Variants in RGL1 observed in about 807,000 individuals in gnomAD.
The protein encoded by RGL1 is ral guanine nucleotide dissociation stimulator like 1, also known as ral guanine nucleotide dissociation stimulator-like 1.
A neutral mutation model predicts 95.2 loss-of-function variants in RGL1; 24 were observed. The observed-to-expected ratio is 0.25, with a 90% CI of 0.18 to 0.35. The LOEUF (loss-of-function observed/expected upper bound fraction) is 0.35, where lower values mean the gene tolerates loss of function less well. Among genes scored for constraint, RGL1 ranks in the 10% least tolerant of loss-of-function variants. The pLI, the probability that RGL1 is intolerant of heterozygous loss-of-function variation, is 1.00. For synonymous variants in RGL1, 329 were observed against 344.9 expected (o/e 0.95, Z 0.51); for missense variants, 715 against 936.3 (o/e 0.76, Z 3.08).
chr1:183,811,216 T>A (rs956093916), intron 2 of RGL1, among the ~76,000 whole-genome samples: 2 of 152,230 alleles, frequency 1.3e-5, no homozygotes, highest in Non-Finnish European at 2.9e-5. Context: ...GTATCAATTA[T>A]TCATTTTAAC....
chr1:183,773,009 C>A (rs1239409358), intron 2 of RGL1, among the ~76,000 whole-genome samples: 1 of 101,430 alleles, frequency 9.9e-6, no homozygotes, highest in African/African-American at 3.7e-5. Flanking sequence ...GAGCAAGACT[C>A]CGTCTCAAAA....
At chr1:183,701,472 T>G (rs1399738262) in intron 1 of RGL1, among the ~76,000 whole-genome samples, 3 of 152,178 alleles carry the variant, frequency 2.0e-5, no homozygotes, top group Non-Finnish European at 4.4e-5. Flanking sequence ...GTGTATGGTC[T>G]ATCAAGAAAG....
intron 1 of RGL1, among the ~76,000 whole-genome samples, chr1:183,697,135 T>A (rs1654299405): frequency 6.6e-6 from 1 of 152,154 alleles, no homozygotes; most frequent in African/African-American, 2.4e-5. Flanking sequence ...TTTTTGCTGT[T>A]CTTACAATAC....
chr1:183,658,415 C>T (rs901291913), intron 1 of RGL1, among the ~76,000 whole-genome samples: 1 of 152,238 alleles, frequency 6.6e-6, no homozygotes, highest in Non-Finnish European at 1.5e-5. Context: ...TGTCCCGCAC[C>T]TGGCTCGGAG....
intron 2 of RGL1, among the ~76,000 whole-genome samples, chr1:183,842,536 A>G (rs568844687): frequency 6.6e-6 from 1 of 152,252 alleles, no homozygotes; most frequent in East Asian, 1.9e-4. Context: ...AGTTTTAGAT[A>G]TTTACCCCAT....
chr1:183,641,881 A>T (rs1359664202), intron 1 of RGL1, among the ~76,000 whole-genome samples: 1 of 152,190 alleles, frequency 6.6e-6, no homozygotes, highest in Admixed American at 6.5e-5. Context: ...TTTAGAATTT[A>T]TGGTTTTTAG....
chr1:183,806,362 C>T lies in RGL1; in HGVS notation c.28-13C>T. ...AATACTCTTTTTCTTTCTCTTTATC[C>T]CGTCCCTGGCAGAGCTCGATTCAGG... On this transcript the variant is annotated splice_polypyrimidine_tract_variant and intron_variant, in intron 1 of 17. Coordinates refer to ENST00000360851, the MANE Select transcript of RGL1 (RefSeq NM_001297671.3). The T allele has an allele frequency of 6.3e-7, 1 of 1,599,804 alleles. No individual in the cohort carries two copies. The highest frequency in any genetic ancestry group is 8.6e-7 in the Non-Finnish European group (1 of 1,167,808).
At chr1:183,889,911 CT>C (rs1410366116) in intron 8 of RGL1, among the ~76,000 whole-genome samples, 1 of 152,086 alleles carries the variant, frequency 6.6e-6, no homozygotes, top group African/African-American at 2.4e-5. Flanking sequence ...TCTTTCTTCT[CT>C]ATTTTGAATA....
At chr1:183,840,893 A>G (rs930556940) in intron 2 of RGL1, among the ~76,000 whole-genome samples, 1 of 145,276 alleles carries the variant, frequency 6.9e-6, no homozygotes, top group Non-Finnish European at 1.5e-5. Flanking sequence ...CTGCATCTCT[A>G]ACAAACAAAC....
intron 1 of RGL1, among the ~76,000 whole-genome samples, chr1:183,699,010 T>C (rs1288214539): frequency 1.3e-5 from 2 of 152,258 alleles, no homozygotes; most frequent in Non-Finnish European, 2.9e-5. Context: ...ATAACATCCA[T>C]ACTCTCATTT....
intron 1 of RGL1, among the ~76,000 whole-genome samples, chr1:183,695,566 G>A (rs553859554): frequency 6.6e-6 from 1 of 152,290 alleles, no homozygotes; most frequent in East Asian, 1.9e-4. Context: ...ACTTTCAAGT[G>A]GTTGAAGCTC....
intron 2 of RGL1, among the ~76,000 whole-genome samples, chr1:183,798,317 A>G (rs571350634): frequency 1.3e-5 from 2 of 152,300 alleles, no homozygotes; most frequent in East Asian, 3.9e-4. Context: ...TTATGTTGAT[A>G]TTGCCATCTT....
intron 2 of RGL1, among the ~76,000 whole-genome samples, chr1:183,780,331 A>G (rs1659832923): frequency 6.6e-6 from 1 of 152,244 alleles, no homozygotes; most frequent in South Asian, 2.1e-4. Flanking sequence ...GGATGTGGCC[A>G]TAAAGTAGAT....
chr1:183,920,661 T>G (rs1412093915), intron 16 of RGL1, among the ~76,000 whole-genome samples: 1 of 152,262 alleles, frequency 6.6e-6, no homozygotes, highest in African/African-American at 2.4e-5. Context: ...CTCCTTTAGC[T>G]TTCTGCTACT....
chr1:183,717,401 T>A (rs1349415878), intron 1 of RGL1, among the ~76,000 whole-genome samples: 1 of 152,194 alleles, frequency 6.6e-6, no homozygotes, highest in East Asian at 1.9e-4. Flanking sequence ...TTAAAGAGTA[T>A]ATTTATAATA....
At chr1:183,835,866 C>T (rs1663612427) in intron 2 of RGL1, among the ~76,000 whole-genome samples, 1 of 152,164 alleles carries the variant, frequency 6.6e-6, no homozygotes, top group Admixed American at 6.5e-5. Context: ...TCTGTAGATT[C>T]TGGGCAATTG....
At chr1:183,673,604 T>C (rs1652624945) in intron 1 of RGL1, among the ~76,000 whole-genome samples, 1 of 152,242 alleles carries the variant, frequency 6.6e-6, no homozygotes, top group Non-Finnish European at 1.5e-5. Context: ...TATGTCTTTT[T>C]CTGATTTTGG....
chr1:183,782,369 T>C (rs762202641), intron 2 of RGL1, among the ~76,000 whole-genome samples: 1 of 152,194 alleles, frequency 6.6e-6, no homozygotes, highest in East Asian at 1.9e-4. Context: ...ACTCAGTGCG[T>C]TCATCAGGGA....
intron 15 of RGL1, among the ~76,000 whole-genome samples, chr1:183,912,751 A>G (rs1038004237): frequency 6.6e-6 from 1 of 152,234 alleles, no homozygotes; most frequent in South Asian, 2.1e-4. Flanking sequence ...GATTTGGTCC[A>G]GGTCTGTTCC....
Sources: allele counts gnomAD v4.1 joint callset (sites outside exome capture counted in the v4.1 genomes callset), GRCh38; gene constraint gnomAD v4.1.1; transcripts MANE v1.5; gene names NCBI Gene and HGNC (gene_info 2026-07-23, HGNC 2026-07-21).